Variants in IFT140 observed in about 807,000 individuals in gnomAD.
IFT140 encodes intraflagellar transport 140, also known as intraflagellar transport protein 140 homolog.
Under a neutral mutation model 164.6 loss-of-function variants are expected in IFT140, and 133 were observed. The observed-to-expected ratio is 0.81, with a 90% confidence interval of 0.70 to 0.93. IFT140 has a LOEUF of 0.93. Among genes scored for constraint, IFT140 ranks in the 40% least tolerant of loss-of-function variants. The probability of loss-of-function intolerance (pLI) is 0.00; values close to 1 mark genes in which losing one functional copy is unlikely to be tolerated. For missense variants in IFT140, 2,045 were observed against 1,972.3 expected (o/e 1.04, Z -0.70); for synonymous variants, 860 against 817.3 (o/e 1.05, Z -0.89).
intron 4 of IFT140, among the ~76,000 whole-genome samples, chr16:1,594,069 G>T (rs1265795747): frequency 6.6e-6 from 1 of 152,136 alleles, no homozygotes; most frequent in African/African-American, 2.4e-5. Flanking sequence ...ATCATCCAAG[G>T]CTGCTTCATG....
chr16:1,591,086 G>A (rs912132302), intron 6 of IFT140, among the ~76,000 whole-genome samples: 1 of 152,182 alleles, frequency 6.6e-6, no homozygotes, highest in Admixed American at 6.5e-5. Context: ...ATAAGGACGT[G>A]AGGCACAGCG....
At chr16:1,563,364 G>A (rs12446060) in intron 17 of IFT140, among the ~76,000 whole-genome samples, 7,702 of 149,782 alleles carry the variant, frequency 0.051, 410 homozygotes, top group Admixed American at 0.17. Flanking sequence ...GCGCGATCCC[G>A]GCTCACTCCG....
chr16:1,544,000 C>A (rs1175440186), intron 19 of IFT140, among the ~76,000 whole-genome samples: 4 of 151,904 alleles, frequency 2.6e-5, no homozygotes, highest in Non-Finnish European at 4.4e-5. Flanking sequence ...GTAAGATAAC[C>A]CAATGGATCA....
intron 15 of IFT140, among the ~76,000 whole-genome samples, chr16:1,567,640 CAGG>C (rs1464797868): frequency 3.3e-5 from 5 of 152,250 alleles, no homozygotes; most frequent in Non-Finnish European, 7.3e-5. Flanking sequence ...TGGCCCACGG[CAGG>C]AGATCAGTCA....
At position 1,568,282 on chromosome 16, in the gene IFT140, C is replaced by A. The variant is rs1264289032; in HGVS notation, c.1705G>T (p.Val569Leu). ...CRSLAELVPG[V>L]GGIASLRCSS... ...CACCGCAGAGAAGCGATGCCCCCCA[C>A]CCCAGGGACCAGCTCCGCCAGGCTC... is the stretch of plus-strand genomic sequence containing the variant. Residue 569 changes from valine (V) to leucine (L), a missense_variant, in exon 15 of 31, where the codon GTG (valine) becomes TTG (leucine). By Grantham distance (32) the Val-to-Leu change is conservative (BLOSUM62 1). Coordinates refer to ENST00000426508, the MANE Select transcript of IFT140 (RefSeq NM_014714.4). 1.2e-6 allele frequency: 2 copies of A among 1,613,470 alleles called. No individual in the cohort carries two copies.
intron 17 of IFT140, 78 bp downstream of exon 17, chr16:1,563,919 G>A (rs2141538651): frequency 7.1e-7 from 1 of 1,404,300 alleles, no homozygotes; most frequent in South Asian, 1.6e-5. Flanking sequence ...GAGCCACCGT[G>A]CCCAGCCCAT....
intron 13 of IFT140, 110 bp from the exon 14 acceptor site, chr16:1,571,644 C>T (rs2034019671): frequency 8.4e-7 from 1 of 1,187,442 alleles, no homozygotes. Context: ...AGTTACTGAA[C>T]ATTGTTCACA....
intron 21 of IFT140, 56 bp from the exon 22 acceptor site, chr16:1,525,382 C>T: frequency 7.1e-7 from 1 of 1,403,520 alleles, no homozygotes; most frequent in Non-Finnish European, 1.0e-6. Context: ...CCCACGGGAA[C>T]CGGGTGGGCT....
chr16:1,540,750 T>C (rs867157972), intron 19 of IFT140: 2 of 856,556 alleles, frequency 2.3e-6, no homozygotes, highest in African/African-American at 3.7e-5. Flanking sequence ...CCCTGAAATT[T>C]CAAGGCAAGT....
At chr16:1,602,956 A>C (rs766191561) in intron 3 of IFT140, among the ~76,000 whole-genome samples, 1 of 152,034 alleles carries the variant, frequency 6.6e-6, no homozygotes, top group Non-Finnish European at 1.5e-5. Flanking sequence ...CAAACAAACA[A>C]ACAAACAAAA....
chr16:1,589,061 CT>C lies in IFT140; in HGVS notation c.810+543del, dbSNP rs367916716. Among the ~76,000 whole-genome samples the C allele has an allele frequency of 2.5e-3, 376 of 152,334 alleles. 1 individual carries two copies. Among genetic ancestry groups the C allele is most frequent in the African/African-American group, 8.5e-3 (355 of 41,572 alleles). On this transcript the variant is annotated intron_variant, in intron 7 of 30. Coordinates refer to ENST00000426508, the MANE Select transcript of IFT140 (RefSeq NM_014714.4). ...TTGTTACGGTGGCCCAAGCTGGCCCCTGGGACGAGGTCCCTGTGACTAGTGC... is the reference window on the plus strand; with the variant it reads ...TTGTTACGGTGGCCCAAGCTGGCCCCGGGACGAGGTCCCTGTGACTAGTGC...
intron 7 of IFT140, among the ~76,000 whole-genome samples, chr16:1,588,885 C>T (rs1163833832): frequency 1.3e-5 from 2 of 151,942 alleles, no homozygotes; most frequent in Non-Finnish European, 2.9e-5. Flanking sequence ...AGGGCTGTGG[C>T]CGTGGAAGGA....
chr16:1,571,454 A>T lies in IFT140; in HGVS notation c.1605T>A (p.Val535=), dbSNP rs758377879. The T allele has an allele frequency of 6.2e-7, 1 of 1,614,220 alleles. No homozygotes were observed. The highest frequency in any genetic ancestry group is 1.7e-5 in the Admixed American group (1 of 60,026). ...CFLDICGNFL[V]VGTDLAHFKS... Reference sequence around the variant, plus strand: ...TAAAGTGAGCCAAGTCTGTCCCTACAACCAGGAAATTCCCACAGATGTCCA... The same window carrying T: ...TAAAGTGAGCCAAGTCTGTCCCTACTACCAGGAAATTCCCACAGATGTCCA... Residue 535 remains valine, a synonymous_variant, in exon 14 of 31, where the codon GTT becomes GTA. Transcript: ENST00000426508.
chr16:1,540,575 C>G (rs2076441), intron 19 of IFT140, among the ~76,000 whole-genome samples: 73,009 of 152,012 alleles, frequency 0.48, 18,464 homozygotes, highest in African/African-American at 0.65. Flanking sequence ...GCTCTTGGGA[C>G]ATTCTGCTGC....
chr16:1,542,201 A>T, intron 19 of IFT140: 2 of 1,095,064 alleles, frequency 1.8e-6, no homozygotes, highest in African/African-American at 1.6e-5. Flanking sequence ...CAACATGGCC[A>T]CAGGCCACTG....
intron 4 of IFT140, among the ~76,000 whole-genome samples, chr16:1,599,311 C>T (rs1387477967): frequency 1.3e-4 from 11 of 84,354 alleles, no homozygotes; most frequent in Admixed American, 1.1e-3. Flanking sequence ...CCACCCCGTC[C>T]GGGAGGGAGG....
Position 1,589,589 on chromosome 16 carries a change from G to T in IFT140, c.810+16C>A. On this transcript the variant is annotated intron_variant, in intron 7 of 30. Transcript: ENST00000426508. Reference sequence around the variant, plus strand: ...CAAGATCCCCAGCGTGAGCCCCCAAGCCCACTCCCACTCACCTTCATCACT... The same window carrying T: ...CAAGATCCCCAGCGTGAGCCCCCAATCCCACTCCCACTCACCTTCATCACT... 1 of 1,609,776 alleles carries T rather than the reference G, an allele frequency of 6.2e-7. No homozygotes were observed. Among genetic ancestry groups the T allele is most frequent in the Non-Finnish European group, 8.5e-7 (1 of 1,176,362 alleles).
chr16:1,551,893 A>T lies in IFT140; in HGVS notation c.2399+6042T>A, dbSNP rs190854589. ...AAGCCACTGTAAATCCGAGCTGTGC[A>T]CTCAGAAGCCTCCCGGGTGTGTCCC... On this transcript the variant is annotated intron_variant, in intron 19 of 30. Coordinates refer to ENST00000426508, the MANE Select transcript of IFT140 (RefSeq NM_014714.4). The surrounding 1 kb of genome is among the most constrained non-coding windows in gnomAD (Gnocchi z 4.0). Among the ~76,000 whole-genome samples the T allele has an allele frequency of 1.5e-3, 229 of 152,172 alleles. No individual in the cohort carries two copies. The highest frequency in any genetic ancestry group is 5.2e-3 in the African/African-American group (214 of 41,510).
chr16:1,514,592 G>A (rs1232871418), intron 30 of IFT140: 1 of 152,116 alleles, frequency 6.6e-6, no homozygotes, highest in Non-Finnish European at 1.5e-5. Flanking sequence ...ATCCACCACA[G>A]GGGAAAGAGT....
Sources: allele counts gnomAD v4.1 joint callset (sites outside exome capture counted in the v4.1 genomes callset), GRCh38; gene constraint gnomAD v4.1.1; non-coding constraint Gnocchi (gnomAD v3.1); transcripts MANE v1.5; gene names NCBI Gene and HGNC (gene_info 2026-07-23, HGNC 2026-07-21).